The following UNC13B variants were observed in gnomAD, a reference collection of about 807,000 sequenced individuals.
UNC13B encodes the protein unc-13 homolog B.
Under a neutral mutation model 211.0 loss-of-function variants are expected in UNC13B, and 144 were observed. The ratio of observed to expected loss-of-function variants is 0.68; its 90% confidence interval spans 0.60 to 0.78. The LOEUF is 0.78. Ranked by LOEUF, UNC13B falls within the 30% of genes least tolerant of loss-of-function variation. The pLI is 0.00. For missense variants in UNC13B, 1,777 were observed against 2,002.0 expected, an observed-to-expected ratio of 0.89 and a Z score of 2.14; for synonymous variants, 709 against 725.8, an observed-to-expected ratio of 0.98 and a Z score of 0.37.
At chr9:35,207,281 A>G (rs1348668061) in intron 1 of UNC13B, among the ~76,000 whole-genome samples, 1 of 151,686 alleles carries the variant, frequency 6.6e-6, no homozygotes, top group African/African-American at 2.4e-5. Context: ...ATTTTTTGAC[A>G]TGGAGTCTTA....
chr9:35,365,302 G>A (rs557469577), intron 11 of UNC13B, among the ~76,000 whole-genome samples: 3 of 152,338 alleles, frequency 2.0e-5, no homozygotes, highest in Non-Finnish European at 2.9e-5. Flanking sequence ...GAAGCCATAA[G>A]CCTAGGATCC....
intron 1 of UNC13B, among the ~76,000 whole-genome samples, chr9:35,194,630 G>A (rs568909517): frequency 1.6e-3 from 251 of 152,258 alleles, no homozygotes; most frequent in African/African-American, 5.7e-3. Flanking sequence ...GCTGACAGAT[G>A]CCCATTATTG....
At chr9:35,200,197 C>G (rs977841895) in intron 1 of UNC13B, among the ~76,000 whole-genome samples, 10 of 152,134 alleles carry the variant, frequency 6.6e-5, no homozygotes, top group Non-Finnish European at 1.5e-4. Flanking sequence ...TGGTCTATAT[C>G]TCTGTTTTGA....
chr9:35,276,753 G>A (rs1054307574), intron 7 of UNC13B, among the ~76,000 whole-genome samples: 8 of 152,058 alleles, frequency 5.3e-5, no homozygotes, highest in African/African-American at 1.9e-4. Flanking sequence ...TCACAGTTTC[G>A]TGTATATTCC....
chr9:35,233,859 G>A (rs1348584478), intron 3 of UNC13B, among the ~76,000 whole-genome samples: 1 of 152,164 alleles, frequency 6.6e-6, no homozygotes, highest in East Asian at 1.9e-4. Context: ...TCCTGGGTAT[G>A]AAGCATAAAC....
chr9:35,371,131 A>G (rs1376195257), intron 13 of UNC13B, among the ~76,000 whole-genome samples: 1 of 151,994 alleles, frequency 6.6e-6, no homozygotes, highest in Non-Finnish European at 1.5e-5. Context: ...TTCCCTTATT[A>G]CCATTTTCTG....
At chr9:35,228,583 AGTGT>A (rs1262301210) in intron 2 of UNC13B, among the ~76,000 whole-genome samples, 5 of 151,744 alleles carry the variant, frequency 3.3e-5, no homozygotes, top group African/African-American at 1.2e-4. Flanking sequence ...TCAGCTTGAG[AGTGT>A]GTGTATATGT....
intron 6 of UNC13B, among the ~76,000 whole-genome samples, chr9:35,248,007 TATTA>T (rs1365333758): frequency 2.0e-5 from 3 of 152,202 alleles, no homozygotes; most frequent in Non-Finnish European, 4.4e-5. Context: ...GTTGGTAAGC[TATTA>T]ATTATTGCCT....
In UNC13B at chr9:35,396,925, T is replaced by C. The variant is rs1257435317; in HGVS notation, c.11520T>C (p.Asp3840=). The C allele has an allele frequency of 6.2e-6, 10 of 1,614,008 alleles. No homozygotes were observed. The highest frequency in any genetic ancestry group is 8.5e-6 in the Non-Finnish European group (10 of 1,179,970). Residue 3840 remains aspartate (D), a synonymous_variant, in exon 28 of 40, where the codon GAT becomes GAC. Coordinates refer to ENST00000635942, the MANE Select transcript of UNC13B (RefSeq NM_001371189.2). ...LEFLRGALER[D]KKDGFQQTSE... ...TCCTGCGTGGGGCCCTGGAACGAGA[T>C]AAGAAGGATGGAGTAAGTCAGGGGC...
chr9:35,254,952 ATAATATAATATATTATATTATATAT>A (rs1465086409), intron 6 of UNC13B, among the ~76,000 whole-genome samples: 1 of 116,278 alleles, frequency 8.6e-6, no homozygotes, highest in Non-Finnish European at 1.7e-5. Flanking sequence ...ATATATGTAT[ATAATATAATATATTATATTATATAT>A]TAATATATGT....
At chr9:35,343,537 C>G in intron 11 of UNC13B, among the ~76,000 whole-genome samples, 1 of 152,082 alleles carries the variant, frequency 6.6e-6, no homozygotes, top group East Asian at 1.9e-4. Context: ...AGGCTGGGGC[C>G]TTGATACTTT....
intron 1 of UNC13B, among the ~76,000 whole-genome samples, chr9:35,198,565 A>G (rs1823075929): frequency 6.6e-6 from 1 of 152,344 alleles, no homozygotes; most frequent in Middle Eastern, 3.4e-3. Context: ...AAGCATTGCT[A>G]TAAAGATACC....
chr9:35,290,464 G>A (rs1412308929), intron 7 of UNC13B, among the ~76,000 whole-genome samples: 2 of 151,492 alleles, frequency 1.3e-5, no homozygotes, highest in African/African-American at 4.9e-5. Flanking sequence ...GATACCATGG[G>A]TAAGGGAGTC....
chr9:35,173,998 A>G (rs2131270277), intron 1 of UNC13B, among the ~76,000 whole-genome samples: 1 of 152,264 alleles, frequency 6.6e-6, no homozygotes, highest in Admixed American at 6.5e-5. Flanking sequence ...TGCTGACATA[A>G]TTGTTGTGAA....
rs1829738753 is a variant in UNC13B, at chr9:35,302,567, G to C, written c.3163G>C (p.Gly1055Arg). 1 of 398,454 alleles carries C rather than the reference G, an allele frequency of 2.5e-6. No individual in the cohort carries two copies. The highest frequency in any genetic ancestry group is 4.4e-5 in the Admixed American group (1 of 22,674). 24.7% of individuals were successfully genotyped at this position (398,454 alleles called of 1,614,324 possible). A position where few individuals can be genotyped will look rare whatever the true frequency, so the allele number is the denominator to read the frequency against. ...AGTTACAAATATTAATAATGATCTG[G>C]GGAAATTTGGGAATATAGAGGAATT... ...DSVTNINNDL[G>R]KFGNIEELNP... Residue 1055 changes from glycine (G) to arginine (R), a missense_variant, in exon 9 of 40, where the codon GGG (glycine) becomes CGG (arginine). Gly to Arg is a moderately radical substitution (Grantham distance 125). Coordinates refer to ENST00000635942, the MANE Select transcript of UNC13B (RefSeq NM_001371189.2).
rs1330269747 is a variant in UNC13B at position 35,377,506 on chromosome 9, C to T, written c.9874C>T (p.Arg3292Trp). ...GAGCTGTAAACATGGAGCTGAGGACCGGACCCAGAACATTATCATGGCCAT... is the reference window on the plus strand; with the variant it reads ...GAGCTGTAAACATGGAGCTGAGGACTGGACCCAGAACATTATCATGGCCAT... Reference protein sequence around the residue: ...EKSCKHGAEDRTQNIIMAMKD... With the variant: ...EKSCKHGAEDWTQNIIMAMKD... Residue 3292 changes from arginine (R) to tryptophan (W), a missense_variant, in exon 16 of 40, where the codon CGG becomes TGG. By Grantham distance (101) the Arg-to-Trp change is moderately radical (BLOSUM62 -3). Transcript: ENST00000635942. 3.7e-6 allele frequency: 6 copies of T among 1,614,208 alleles called. No individual in the cohort carries two copies. The highest frequency in any genetic ancestry group is 1.7e-5 in the Admixed American group (1 of 60,030).
chr9:35,341,141 T>G (rs1831968146), intron 11 of UNC13B, among the ~76,000 whole-genome samples: 1 of 152,232 alleles, frequency 6.6e-6, no homozygotes, highest in Non-Finnish European at 1.5e-5. Flanking sequence ...GTGATATCAC[T>G]TTAGGTTACT....
At position 35,236,499 on chromosome 9, in the gene UNC13B, T is replaced by C. The variant is rs1279327491; in HGVS notation, c.183T>C (p.Ser61=). 15 of 1,614,098 alleles carry C rather than the reference T, an allele frequency of 9.3e-6. No individual in the cohort carries two copies. The highest frequency in any genetic ancestry group is 1.3e-5 in the African/African-American group (1 of 75,046). Residue 61 remains serine, a synonymous_variant, in exon 4 of 40, where the codon AGT becomes AGC. Coordinates refer to ENST00000635942, the MANE Select transcript of UNC13B (RefSeq NM_001371189.2). ...TTAGTCGCCTGGACCTGGGTCTAAG[T>C]GTGGAGGTATGGAACAAAGGACTGA... The part of the protein sequence containing the change: ...FEISRLDLGL[S]VEVWNKGLIW...
chr9:35,353,487 T>C (rs2132077660), intron 11 of UNC13B: 1 of 1,232,162 alleles, frequency 8.1e-7, no homozygotes, highest in South Asian at 4.1e-5. Context: ...GAAAGCTTGC[T>C]CAGTGTGGTC....
Sources: allele counts gnomAD v4.1 joint callset (sites outside exome capture counted in the v4.1 genomes callset), GRCh38; gene constraint gnomAD v4.1.1; transcripts MANE v1.5; gene names NCBI Gene and HGNC (gene_info 2026-07-23, HGNC 2026-07-21).